The following RGS7 variants were observed in gnomAD, a reference collection of about 807,000 sequenced individuals.
RGS7 encodes regulator of G protein signaling 7, also known as regulator of G-protein signaling 7.
RGS7 carries 27 observed loss-of-function variants against 81.1 expected under a neutral mutation model. The observed-to-expected ratio is 0.33, with a 90% CI of 0.25 to 0.46. RGS7 has a LOEUF of 0.46. Among genes scored for constraint, RGS7 ranks in the 20% least tolerant of loss-of-function variants. RGS7 has a pLI of 1.00. For missense variants in RGS7, 396 were observed against 607.4 expected, an observed-to-expected ratio of 0.65 and a Z score of 3.66; for synonymous variants, 208 against 207.7, an observed-to-expected ratio of 1.00 and a Z score of -0.01.
chr1:241,327,147 G>GAAAAGAAAGAAAGAAAGGAAAGA (rs1553320967), intron 2 of RGS7, among the ~76,000 whole-genome samples: 1 of 74,432 alleles, frequency 1.3e-5, no homozygotes, highest in African/African-American at 4.7e-5. Context: ...AGAAAGAAAG[G>GAAAAGAAAGAAAGAAAGGAAAGA]AAAGAAAGAA....
chr1:241,203,544 T>C (rs1474554974), intron 2 of RGS7, among the ~76,000 whole-genome samples: 2 of 152,286 alleles, frequency 1.3e-5, no homozygotes, highest in Middle Eastern at 6.8e-3. Context: ...TTCTGCTTCT[T>C]TCCAAGATAG....
At chr1:240,902,709 G>A (rs1170117263) in intron 6 of RGS7, among the ~76,000 whole-genome samples, 1 of 152,114 alleles carries the variant, frequency 6.6e-6, no homozygotes, top group Non-Finnish European at 1.5e-5. Context: ...ACAATAGAGA[G>A]AAACTAGGAA....
chr1:240,849,357 G>T (rs1002853212), intron 9 of RGS7, among the ~76,000 whole-genome samples: 7 of 152,162 alleles, frequency 4.6e-5, no homozygotes, highest in Non-Finnish European at 1.5e-5. Context: ...ATCCTGAGCT[G>T]CAATTCAGAA....
chr1:241,137,642 C>A (rs1229702877), intron 2 of RGS7, among the ~76,000 whole-genome samples: 1 of 152,156 alleles, frequency 6.6e-6, no homozygotes, highest in Non-Finnish European at 1.5e-5. Context: ...CTGGAGCTGG[C>A]ACACACCTGC....
At chr1:241,224,679 G>A (rs200901657) in intron 2 of RGS7, among the ~76,000 whole-genome samples, 2 of 152,242 alleles carry the variant, frequency 1.3e-5, no homozygotes, top group East Asian at 3.9e-4. Context: ...ATATCACGAA[G>A]TACATATAGT....
At chr1:241,353,594 T>G (rs797006447) in intron 2 of RGS7, among the ~76,000 whole-genome samples, 1 of 152,168 alleles carries the variant, frequency 6.6e-6, no homozygotes, top group East Asian at 1.9e-4. Flanking sequence ...GAGTTACTTT[T>G]TCCAATAATG....
rs1435695561 is a variant in RGS7 at position 241,322,570 on chromosome 1, T to A, written c.78+33129A>T. 2.6e-5 allele frequency among the ~76,000 whole-genome samples: 4 copies of A among 152,202 alleles called. No homozygotes were observed. The East Asian group carries it at 7.7e-4, about 29-fold the overall frequency. ...ACATAAATTCAAGAAAAGCAGGGGTTTAGCATATCTGCCACCCTGAATTCA... is the reference window on the plus strand; with the variant it reads ...ACATAAATTCAAGAAAAGCAGGGGTATAGCATATCTGCCACCCTGAATTCA... On this transcript the variant is annotated intron_variant, in intron 2 of 18. Coordinates refer to ENST00000440928, the MANE Select transcript of RGS7 (RefSeq NM_001364886.1).
chr1:241,130,944 A>AC (rs1553265026), intron 2 of RGS7, among the ~76,000 whole-genome samples: 1 of 150,134 alleles, frequency 6.7e-6, no homozygotes, highest in Non-Finnish European at 1.5e-5. Context: ...AAAAAAAAAA[A>AC]ACCAAGAGGC....
At chr1:240,810,946 A>G (rs1406155907) in intron 14 of RGS7, among the ~76,000 whole-genome samples, 2 of 152,150 alleles carry the variant, frequency 1.3e-5, no homozygotes, top group Non-Finnish European at 2.9e-5. Flanking sequence ...AGAGAGTTAC[A>G]TTCCTCCGGG....
intron 3 of RGS7, among the ~76,000 whole-genome samples, chr1:241,079,843 T>G (rs2063035974): frequency 6.6e-6 from 1 of 152,154 alleles, no homozygotes; most frequent in South Asian, 2.1e-4. Context: ...TATTTATTTA[T>G]TTATTTATTT....
intron 6 of RGS7, among the ~76,000 whole-genome samples, chr1:240,879,907 T>C (rs1666087986): frequency 6.6e-6 from 1 of 152,254 alleles, no homozygotes; most frequent in Non-Finnish European, 1.5e-5. Context: ...CTGCAGGGCA[T>C]GCAGAGAAAG....
At chr1:241,312,245 AG>A (rs1208943350) in intron 2 of RGS7, among the ~76,000 whole-genome samples, 3 of 152,230 alleles carry the variant, frequency 2.0e-5, no homozygotes, top group African/African-American at 4.8e-5. Flanking sequence ...AAACACAAAA[AG>A]GTCACTGTCT....
chr1:240,870,575 T>C (rs1321772525), intron 6 of RGS7, among the ~76,000 whole-genome samples: 1 of 152,174 alleles, frequency 6.6e-6, no homozygotes, highest in Non-Finnish European at 1.5e-5. Flanking sequence ...CTTGAACTCC[T>C]GGGCTCAAGT....
chr1:240,951,297 T>C (rs1192134412), intron 4 of RGS7, among the ~76,000 whole-genome samples: 1 of 151,878 alleles, frequency 6.6e-6, no homozygotes, highest in Non-Finnish European at 1.5e-5. Context: ...AAAACAACAA[T>C]GAGAACCAAA....
chr1:241,192,285 GTT>G (rs377737863), intron 2 of RGS7, among the ~76,000 whole-genome samples: 7 of 120,514 alleles, frequency 5.8e-5, no homozygotes, highest in African/African-American at 2.1e-4. Context: ...GTGTGTGTGT[GTT>G]TGGTTTGCTT....
At chr1:240,797,509 G>A (rs1431015863) in intron 18 of RGS7, among the ~76,000 whole-genome samples, 8 of 151,962 alleles carry the variant, frequency 5.3e-5, no homozygotes, top group East Asian at 1.9e-4. Flanking sequence ...GCACCACCAC[G>A]CCCGGCTAAT....
chr1:241,242,157 C>T (rs6702606), intron 2 of RGS7, among the ~76,000 whole-genome samples: 14,346 of 151,816 alleles, frequency 0.094, 843 homozygotes, highest in Admixed American at 0.18. Context: ...TAGGCCTTTG[C>T]GTCCTTATAG....
At chr1:240,820,966 T>C (rs1691673113) in intron 10 of RGS7, among the ~76,000 whole-genome samples, 2 of 152,194 alleles carry the variant, frequency 1.3e-5, no homozygotes, top group Admixed American at 1.3e-4. Context: ...TATTTCTCTT[T>C]CTTTCACGGT....
intron 4 of RGS7, among the ~76,000 whole-genome samples, chr1:240,977,001 T>C (rs1228787788): frequency 2.0e-5 from 3 of 148,940 alleles, no homozygotes; most frequent in Admixed American, 6.6e-5. Flanking sequence ...TTATCTATCA[T>C]CTATCATTTA....
Sources: allele counts gnomAD v4.1 joint callset (sites outside exome capture counted in the v4.1 genomes callset), GRCh38; gene constraint gnomAD v4.1.1; transcripts MANE v1.5; gene names NCBI Gene and HGNC (gene_info 2026-07-23, HGNC 2026-07-21).